MBIP: variants seen among roughly 807,000 people sequenced by gnomAD.
MBIP encodes MAP3K12 binding inhibitory protein 1.
Under a neutral mutation model 45.7 loss-of-function variants are expected in MBIP, and 32 were observed. That is an observed-to-expected ratio of 0.70 (90% CI 0.53 to 0.94). MBIP has a LOEUF of 0.94. Among genes scored for constraint, MBIP ranks in the 40% least tolerant of loss-of-function variants. MBIP has a pLI of 0.00. For synonymous variants in MBIP, 145 were observed against 141.0 expected, an observed-to-expected ratio of 1.03 and a Z score of -0.20; for missense variants, 381 against 405.5, an observed-to-expected ratio of 0.94 and a Z score of 0.52.
At chr14:36,302,601 A>G (rs1469733838) in intron 7 of MBIP, among the ~76,000 whole-genome samples, 1 of 152,064 alleles carries the variant, frequency 6.6e-6, no homozygotes, top group Non-Finnish European at 1.5e-5. Flanking sequence ...CTACTGTATC[A>G]TAGAACCAAA....
At chr14:36,303,619 C>G (rs947242006) in intron 7 of MBIP, among the ~76,000 whole-genome samples, 1 of 152,138 alleles carries the variant, frequency 6.6e-6, no homozygotes, top group Non-Finnish European at 1.5e-5. Context: ...TATGGGATCA[C>G]TGTAATATAT....
chr14:36,312,108 T>A, intron 4 of MBIP, 84 bp from the exon 5 acceptor site: 1 of 671,284 alleles, frequency 1.5e-6, no homozygotes, highest in South Asian at 2.8e-5. Context: ...CAATAATTCA[T>A]ATTAACATTT....
In MBIP at chr14:36,311,804, A is replaced by G. The variant is rs1263529016; in HGVS notation, c.638-79T>C. The stretch of plus-strand genomic sequence containing the variant: ...TTCTTATTCCTTAACAGCACTTTAT[A>G]TTTTTTTCATAAAGACCATCTAACC... On this transcript the variant is annotated intron_variant, in intron 5 of 8. Coordinates refer to ENST00000416007, the MANE Select transcript of MBIP (RefSeq NM_016586.3). The G allele has an allele frequency of 2.3e-6, 3 of 1,325,216 alleles. No homozygotes were observed. In the African/African-American group the frequency reaches 4.5e-5, roughly 20 times the overall value. The allele number at this position is 1,325,216 out of a possible 1,614,324, so 82.1% of individuals were successfully genotyped here.
chr14:36,312,289 A>G (rs1207388456), intron 4 of MBIP, among the ~76,000 whole-genome samples: 1 of 152,170 alleles, frequency 6.6e-6, no homozygotes, highest in African/African-American at 2.4e-5. Context: ...ACAAATTGAT[A>G]CAATTTTGAA....
intron 7 of MBIP, chr14:36,305,186 T>C (rs1879795295): frequency 6.6e-6 from 1 of 152,222 alleles, no homozygotes. Flanking sequence ...AAGGACACTC[T>C]TAGAGCTGAC....
In MBIP at chr14:36,299,152, A is replaced by G. The variant is rs2139189741; in HGVS notation, c.966T>C (p.Ser322=). The part of the protein sequence containing the change: ...YSLAELDEKI[S]ALKQALLRKS... The stretch of plus-strand genomic sequence containing the variant: ...TTCTGAGGAGGGCTTGTTTGAGGGC[A>G]CTAATTTTCTCATCAAGTTCAGCCA... Residue 322 remains serine, a synonymous_variant, in exon 9 of 9, where the codon AGT becomes AGC. Coordinates refer to ENST00000416007, the MANE Select transcript of MBIP (RefSeq NM_016586.3). 1.9e-6 allele frequency: 3 copies of G among 1,613,852 alleles called. No individual in the cohort carries two copies. The highest frequency in any genetic ancestry group is 1.3e-5 in the African/African-American group (1 of 75,044).
chr14:36,307,993 A>G, intron 7 of MBIP, 99 bp downstream of exon 7: 2 of 636,088 alleles, frequency 3.1e-6, no homozygotes, highest in Non-Finnish European at 2.7e-6. Context: ...AATTATTAAA[A>G]TAGTGTTTTG....
intron 1 of MBIP, among the ~76,000 whole-genome samples, chr14:36,317,530 A>G (rs1880646046): frequency 6.6e-6 from 1 of 152,110 alleles, no homozygotes; most frequent in Admixed American, 6.6e-5. Flanking sequence ...GTAAATGCTA[A>G]GATGTGACAG....
At chr14:36,308,338 C>T in intron 6 of MBIP, 149 bp from the exon 7 acceptor site, 1 of 567,482 alleles carries the variant, frequency 1.8e-6, no homozygotes, top group Non-Finnish European at 3.1e-6. Flanking sequence ...AGAATGAAGT[C>T]CTTAGGTCGT....
rs1880471104 is a variant in MBIP at position 36,314,853 on chromosome 14, T to G, written c.312A>C (p.Ile104=). Residue 104 remains isoleucine, a synonymous_variant, in exon 3 of 9, where the codon ATA becomes ATC. Transcript: ENST00000416007. The part of the protein sequence containing the change: ...KEENTTAVEE[I]GRTEMGNKNE... ...TTTTGTTCCCCATTTCTGTTCTTCC[T>G]ATCTCTTCAACAGCAGTTGTATTCT... 1 of 1,613,524 alleles carries G rather than the reference T, an allele frequency of 6.2e-7. No individual in the cohort carries two copies. Among genetic ancestry groups the G allele is most frequent in the Non-Finnish European group, 8.5e-7 (1 of 1,179,642 alleles).
Position 36,309,312 on chromosome 14 carries a change from T to C in MBIP, c.791-1123A>G, listed in dbSNP as rs1594514802. Among the ~76,000 whole-genome samples, 6 of 152,328 alleles carry C rather than the reference T, an allele frequency of 3.9e-5. No individual in the cohort carries two copies. In the South Asian group the frequency reaches 1.2e-3, roughly 32 times the overall value. On this transcript the variant is annotated intron_variant, in intron 6 of 8. Coordinates refer to ENST00000416007, the MANE Select transcript of MBIP (RefSeq NM_016586.3). ...TTACTACCACCCAACATTCAGTATATTTTCTTTCTGTATTATTTGTTTCCC... is the reference window on the plus strand; with the variant it reads ...TTACTACCACCCAACATTCAGTATACTTTCTTTCTGTATTATTTGTTTCCC...
rs778579403 is a variant in MBIP, at chr14:36,320,627, G to C, written c.-39C>G. 4 of 1,564,292 alleles carry C rather than the reference G, an allele frequency of 2.6e-6. No homozygotes were observed. Among genetic ancestry groups the C allele is most frequent in the Non-Finnish European group, 2.6e-6 (3 of 1,157,518 alleles). The stretch of plus-strand genomic sequence containing the variant: ...GCCGCCCCACCACCACCACCACCAA[G>C]ATTTGCTCACAACCCCGCCCCCTCC... On this transcript the variant is annotated 5_prime_UTR_variant, in exon 1 of 9. It adds an upstream start codon to the 5' untranslated region. Coordinates refer to ENST00000416007, the MANE Select transcript of MBIP (RefSeq NM_016586.3).
intron 1 of MBIP, among the ~76,000 whole-genome samples, chr14:36,320,195 C>G (rs1880807666): frequency 6.6e-6 from 1 of 152,128 alleles, no homozygotes. Context: ...CCAAGCCTGC[C>G]TCTCTCGGAG....
chr14:36,312,235 A>G (rs540974964), intron 4 of MBIP, among the ~76,000 whole-genome samples: 1 of 152,190 alleles, frequency 6.6e-6, no homozygotes, highest in South Asian at 2.1e-4. Flanking sequence ...ATTCTTACCT[A>G]ATGTTCAGAT....
chr14:36,318,329 T>C (rs1880696562), intron 1 of MBIP, among the ~76,000 whole-genome samples: 1 of 152,042 alleles, frequency 6.6e-6, no homozygotes, highest in African/African-American at 2.4e-5. Context: ...CTCATTTCAA[T>C]TCAGCAGAAT....
In MBIP at chr14:36,308,140, A is replaced by G; in HGVS notation, c.840T>C (p.Asp280=). ...DIYQRIKKLE[D]KILELEGISP... ...AGATGCCTTCCAATTCAAGGATTTT[A>G]TCCTCAAGTTTTTTAATTCTCTGAT... Residue 280 remains aspartate, a synonymous_variant, in exon 7 of 9, where the codon GAT becomes GAC. Transcript: ENST00000416007. 1 of 1,607,454 alleles carries G rather than the reference A, an allele frequency of 6.2e-7. No individual in the cohort carries two copies. Among genetic ancestry groups the G allele is most frequent in the Non-Finnish European group, 8.5e-7 (1 of 1,175,666 alleles).
intron 7 of MBIP, chr14:36,305,085 T>C (rs930391415): frequency 1.3e-5 from 2 of 152,204 alleles, no homozygotes; most frequent in Non-Finnish European, 2.9e-5. Context: ...AATTATGCAA[T>C]TACCATGCAT....
chr14:36,318,694 T>A (rs1018674441), intron 1 of MBIP, among the ~76,000 whole-genome samples: 2 of 151,980 alleles, frequency 1.3e-5, no homozygotes, highest in African/African-American at 4.8e-5. Context: ...TGATCTTAAG[T>A]AAAAAATTAT....
chr14:36,315,065 C>T lies in MBIP; in HGVS notation c.250-150G>A, dbSNP rs1208012894. ...AGTTGGTATACCAGGACACATAGAT[C>T]TGACCACATATAAGTACTCACTATT... On this transcript the variant is annotated intron_variant, in intron 2 of 8. Coordinates refer to ENST00000416007, the MANE Select transcript of MBIP (RefSeq NM_016586.3). 3 of 598,400 alleles carry T rather than the reference C, an allele frequency of 5.0e-6. No individual in the cohort carries two copies. The East Asian group carries it at 8.3e-5, about 17-fold the overall frequency. 37.1% of individuals were successfully genotyped at this position (598,400 alleles called of 1,614,324 possible).
Sources: allele counts gnomAD v4.1 joint callset (sites outside exome capture counted in the v4.1 genomes callset), GRCh38; gene constraint gnomAD v4.1.1; transcripts MANE v1.5; gene names NCBI Gene and HGNC (gene_info 2026-07-23, HGNC 2026-07-21).